The following MCF2L2 variants were observed in gnomAD, a reference collection of about 807,000 sequenced individuals.
The protein encoded by MCF2L2 is probable guanine nucleotide exchange factor MCF2L2.
Under a neutral mutation model 150.2 loss-of-function variants are expected in MCF2L2, and 102 were observed. That is an observed-to-expected ratio of 0.68 (90% CI 0.58 to 0.80). The LOEUF (loss-of-function observed/expected upper bound fraction) is 0.80. Ranked by LOEUF, MCF2L2 falls within the 30% of genes least tolerant of loss-of-function variation. The probability of loss-of-function intolerance (pLI) is 0.00; values close to 1 mark genes in which losing one functional copy is unlikely to be tolerated. For synonymous variants in MCF2L2, 465 were observed against 491.3 expected (o/e 0.95, Z 0.71); for missense variants, 1,256 against 1,372.8 (o/e 0.91, Z 1.34).
intron 15 of MCF2L2, chr3:183,272,414 G>A (rs1726855456): frequency 2.0e-6 from 2 of 1,000,118 alleles, no homozygotes; most frequent in African/African-American, 3.5e-5. Flanking sequence ...ATAAGGTGAT[G>A]TCGGAAACAC....
intron 1 of MCF2L2, among the ~76,000 whole-genome samples, chr3:183,426,893 G>T (rs2108638990): frequency 6.6e-6 from 1 of 152,310 alleles, no homozygotes; most frequent in South Asian, 2.1e-4. Flanking sequence ...CCTCACAAGT[G>T]TATCATTTGA....
chr3:183,387,887 G>A (rs1030871429), intron 2 of MCF2L2, among the ~76,000 whole-genome samples: 2 of 143,472 alleles, frequency 1.4e-5, no homozygotes, highest in Admixed American at 7.4e-5. Context: ...AGTTGAGATC[G>A]TGCTATTGCA....
intron 3 of MCF2L2, among the ~76,000 whole-genome samples, chr3:183,353,099 G>T (rs1310561440): frequency 6.6e-6 from 1 of 152,124 alleles, no homozygotes; most frequent in Non-Finnish European, 1.5e-5. Flanking sequence ...TATTATACTA[G>T]TCTGTTGGCT....
At chr3:183,244,205 TAA>T (rs59554875) in intron 15 of MCF2L2, among the ~76,000 whole-genome samples, 12 of 146,934 alleles carry the variant, frequency 8.2e-5, no homozygotes, top group South Asian at 6.4e-4. Context: ...AAAATCTGAT[TAA>T]AAAAAAAAAA....
At chr3:183,414,275 T>C (rs1715471754) in intron 1 of MCF2L2, among the ~76,000 whole-genome samples, 1 of 152,232 alleles carries the variant, frequency 6.6e-6, no homozygotes, top group South Asian at 2.1e-4. Context: ...TATAGGTCTA[T>C]TCATATTTTC....
rs184418549 is a variant in MCF2L2, at chr3:183,193,145, C to T, written c.2919-49G>A. The T allele has an allele frequency of 4.3e-5, 63 of 1,456,450 alleles. No homozygotes were observed. In the East Asian group the frequency reaches 9.5e-4, roughly 22 times the overall value. 90.2% of individuals were successfully genotyped at this position (1,456,450 alleles called of 1,614,324 possible). On this transcript the variant is annotated intron_variant, in intron 26 of 29. Coordinates refer to ENST00000328913, the MANE Select transcript of MCF2L2 (RefSeq NM_015078.4). The stretch of plus-strand genomic sequence containing the variant: ...TTGAGTCACTGGAAGGAATGACACA[C>T]GCATCCCTCCCCCACCAGTTGGAGT...
At chr3:183,259,815 G>T (rs979925534) in intron 15 of MCF2L2, among the ~76,000 whole-genome samples, 2 of 152,118 alleles carry the variant, frequency 1.3e-5, no homozygotes, top group Non-Finnish European at 2.9e-5. Context: ...GGTCACTTCT[G>T]CCCACTGTCT....
At chr3:183,427,593 T>G (rs1010943498) in intron 1 of MCF2L2, among the ~76,000 whole-genome samples, 17 of 141,202 alleles carry the variant, frequency 1.2e-4, no homozygotes, top group African/African-American at 4.6e-4. Context: ...CCACCCACCC[T>G]ACTCCCGTCA....
intron 15 of MCF2L2, among the ~76,000 whole-genome samples, chr3:183,248,922 C>T (rs1257925249): frequency 6.6e-6 from 1 of 152,096 alleles, no homozygotes; most frequent in African/African-American, 2.4e-5. Flanking sequence ...TGCAAAATTC[C>T]CAACACAAAT....
chr3:183,308,060 T>C (rs1729185866), intron 10 of MCF2L2, among the ~76,000 whole-genome samples: 2 of 152,238 alleles, frequency 1.3e-5, no homozygotes, highest in Non-Finnish European at 2.9e-5. Context: ...TCACTTTCTA[T>C]TATATCTTGT....
chr3:183,192,910 G>A, intron 27 of MCF2L2, 89 bp downstream of exon 27: 1 of 892,822 alleles, frequency 1.1e-6, no homozygotes, highest in Non-Finnish European at 1.8e-6. Flanking sequence ...AAGAAGGGCT[G>A]GGCCCTAGGT....
At chr3:183,293,761 A>G (rs963281713) in intron 13 of MCF2L2, among the ~76,000 whole-genome samples, 1 of 152,232 alleles carries the variant, frequency 6.6e-6, no homozygotes, top group Non-Finnish European at 1.5e-5. Flanking sequence ...AGATTGAAAC[A>G]GAAAAAAGTA....
At chr3:183,199,785 C>T (rs1339610107) in intron 25 of MCF2L2, among the ~76,000 whole-genome samples, 1 of 129,798 alleles carries the variant, frequency 7.7e-6, no homozygotes, top group East Asian at 2.8e-4. Context: ...CCTCCCCCCA[C>T]CCCACCACAG....
chr3:183,212,956 T>TGGGGGGGGGGGGGGGGGGGG (rs1173392435), intron 22 of MCF2L2, among the ~76,000 whole-genome samples: 1 of 3,872 alleles, frequency 2.6e-4, no homozygotes, highest in Non-Finnish European at 6.3e-4. Flanking sequence ...TGTGGGGGGG[T>TGGGGGGGGGGGGGGGGGGGG]GGGGGGGGTG....
intron 1 of MCF2L2, among the ~76,000 whole-genome samples, chr3:183,417,003 T>C (rs371040786): frequency 1.3e-5 from 2 of 149,370 alleles, no homozygotes; most frequent in Non-Finnish European, 3.0e-5. Context: ...TCCCAGCTAC[T>C]CAGGAGGCTG....
At chr3:183,242,386 G>T (rs1724066144) in intron 15 of MCF2L2, among the ~76,000 whole-genome samples, 1 of 152,222 alleles carries the variant, frequency 6.6e-6, no homozygotes, top group African/African-American at 2.4e-5. Flanking sequence ...AGGCCTAGGA[G>T]GAAAAAGTGG....
intron 15 of MCF2L2, among the ~76,000 whole-genome samples, chr3:183,239,666 C>A (rs189049423): frequency 6.6e-4 from 99 of 150,492 alleles, no homozygotes; most frequent in African/African-American, 2.3e-3. Context: ...ATTGTCAACA[C>A]AATTTGCCAT....
At chr3:183,201,591 C>A (rs1349531364) in intron 25 of MCF2L2, among the ~76,000 whole-genome samples, 1 of 152,212 alleles carries the variant, frequency 6.6e-6, no homozygotes, top group East Asian at 1.9e-4. Context: ...TTGACTTTCT[C>A]TTTTCCTAAT....
rs938901388 is a variant in MCF2L2, at chr3:183,283,553, A to C, written c.1776+5567T>G. On this transcript the variant is annotated intron_variant, in intron 14 of 29. Coordinates refer to ENST00000328913, the MANE Select transcript of MCF2L2 (RefSeq NM_015078.4). The surrounding 1 kb of genome is among the most constrained non-coding windows in gnomAD (Gnocchi z 4.2). ...TTTTTTTTTTTTTAGATGGAGTCTC[A>C]CTCTGTCACCCAGGCTGGAGAGCAG... Among the ~76,000 whole-genome samples the C allele has an allele frequency of 6.7e-6, 1 of 148,886 alleles. No individual in the cohort carries two copies.
Sources: allele counts gnomAD v4.1 joint callset (sites outside exome capture counted in the v4.1 genomes callset), GRCh38; gene constraint gnomAD v4.1.1; non-coding constraint Gnocchi (gnomAD v3.1); transcripts MANE v1.5; gene names NCBI Gene and HGNC (gene_info 2026-07-23, HGNC 2026-07-21).